SERPINI2: variants seen among roughly 807,000 people sequenced by gnomAD.
The protein encoded by SERPINI2 is serpin I2.
In SERPINI2, 48 loss-of-function variants were observed where a neutral mutation model predicts 47.3. The observed-to-expected ratio is 1.02, with a 90% CI of 0.81 to 1.29. SERPINI2 has a LOEUF of 1.29. Among genes scored for constraint, SERPINI2 ranks in the 50% most tolerant of loss-of-function variants. The pLI, the probability that SERPINI2 is intolerant of heterozygous loss-of-function variation, is 0.00. For missense variants in SERPINI2, 448 were observed against 456.9 expected, an observed-to-expected ratio of 0.98 and a Z score of 0.18; for synonymous variants, 135 against 149.3, an observed-to-expected ratio of 0.90 and a Z score of 0.70.
intron 8 of SERPINI2, among the ~76,000 whole-genome samples, chr3:167,444,221 T>C (rs1348350170): frequency 6.6e-6 from 1 of 152,182 alleles, no homozygotes; most frequent in African/African-American, 2.4e-5. Context: ...CTTCACAATT[T>C]TCTTCTCAAA....
At chr3:167,457,890 TAGA>T (rs1560233096) in intron 5 of SERPINI2, among the ~76,000 whole-genome samples, 3 of 152,040 alleles carry the variant, frequency 2.0e-5, no homozygotes, top group African/African-American at 7.2e-5. Context: ...TAAGGACAAA[TAGA>T]AGTTTTATAG....
Position 167,471,771 on chromosome 3 carries a change from A to G in SERPINI2, c.64T>C (p.Ser22Pro). Residue 22 changes from serine to proline, a missense_variant, in exon 2 of 9, where the codon TCA becomes CCA. Ser to Pro is a moderately conservative substitution (Grantham distance 74, BLOSUM62 -1). Transcript: ENST00000264677. Reference sequence around the variant, plus strand: ...GCAAATTCGGTATTTTTTTGAGCTGAGCATCTTGAGGCTTGACTTCCAAAA... The same window carrying G: ...GCAAATTCGGTATTTTTTTGAGCTGGGCATCTTGAGGCTTGACTTCCAAAA... 6.2e-7 allele frequency: 1 copy of G among 1,613,602 alleles called. No homozygotes were observed.
chr3:167,456,150 C>CTGTGTGTGTGTGTGTG (rs68048909), intron 5 of SERPINI2, among the ~76,000 whole-genome samples: 36 of 144,516 alleles, frequency 2.5e-4, no homozygotes, highest in South Asian at 9.2e-4. Context: ...TCAATTACCT[C>CTGTGTGTGTGTGTGTG]TGTGTGTGTG....
intron 2 of SERPINI2, among the ~76,000 whole-genome samples, chr3:167,467,729 A>G (rs1750179618): frequency 2.0e-5 from 3 of 152,156 alleles, no homozygotes; most frequent in Admixed American, 6.6e-5. Flanking sequence ...CTTTTATTTC[A>G]GCTGAAGAAA....
intron 5 of SERPINI2, among the ~76,000 whole-genome samples, chr3:167,461,966 G>T (rs1749996278): frequency 6.6e-6 from 1 of 152,126 alleles, no homozygotes; most frequent in Non-Finnish European, 1.5e-5. Context: ...GAGCATGGAA[G>T]AAAATCTGGG....
chr3:167,453,696 T>C (rs1335890954), intron 5 of SERPINI2, among the ~76,000 whole-genome samples: 3 of 150,864 alleles, frequency 2.0e-5, no homozygotes, highest in East Asian at 2.0e-4. Context: ...TAGCCACTGC[T>C]TCCAACACTG....
intron 5 of SERPINI2, among the ~76,000 whole-genome samples, chr3:167,462,456 T>G (rs1243999771): frequency 6.6e-6 from 1 of 152,166 alleles, no homozygotes; most frequent in Non-Finnish European, 1.5e-5. Flanking sequence ...TTTCCCTGTG[T>G]CTCTTCACAT....
intron 7 of SERPINI2, among the ~76,000 whole-genome samples, chr3:167,448,872 T>G (rs1560230121): frequency 6.6e-6 from 1 of 152,094 alleles, no homozygotes; most frequent in East Asian, 1.9e-4. Flanking sequence ...TATGTGCAGG[T>G]TAAGTTTGAG....
At chr3:167,460,754 G>C (rs1749959986) in intron 5 of SERPINI2, among the ~76,000 whole-genome samples, 1 of 152,138 alleles carries the variant, frequency 6.6e-6, no homozygotes, top group Non-Finnish European at 1.5e-5. Context: ...AAATTAGAGT[G>C]ACCGGAAAGT....
intron 8 of SERPINI2, 106 bp from the exon 9 acceptor site, chr3:167,442,291 CTG>C (rs1749350751): frequency 1.3e-6 from 1 of 770,560 alleles, no homozygotes; most frequent in Non-Finnish European, 2.0e-6. Flanking sequence ...TCTTTTTTCT[CTG>C]TAAGATAAAT....
intron 6 of SERPINI2, among the ~76,000 whole-genome samples, chr3:167,451,749 T>C (rs1354810265): frequency 6.6e-6 from 1 of 152,198 alleles, no homozygotes; most frequent in Non-Finnish European, 1.5e-5. Context: ...AGTGGCTGTT[T>C]GAAGTGTCTG....
intron 5 of SERPINI2, among the ~76,000 whole-genome samples, chr3:167,457,626 A>G (rs1347274258): frequency 1.3e-5 from 2 of 152,250 alleles, no homozygotes; most frequent in Non-Finnish European, 2.9e-5. Context: ...AGTTTAAAGC[A>G]ACAAATCCTC....
chr3:167,459,068 G>GTTT, intron 5 of SERPINI2, among the ~76,000 whole-genome samples: 1 of 144,534 alleles, frequency 6.9e-6, no homozygotes, highest in African/African-American at 2.7e-5. Flanking sequence ...ACCAAAGGAA[G>GTTT]TTTTTTTTTG....
intron 6 of SERPINI2, among the ~76,000 whole-genome samples, chr3:167,450,454 A>T (rs1749611098): frequency 6.6e-6 from 1 of 152,220 alleles, no homozygotes; most frequent in Admixed American, 6.5e-5. Flanking sequence ...CTTGCAAGAC[A>T]AGATAGATCT....
intron 5 of SERPINI2, 24 bp from the exon 6 acceptor site, chr3:167,453,057 A>G: frequency 7.2e-7 from 1 of 1,390,558 alleles, no homozygotes; most frequent in Non-Finnish European, 9.9e-7. Context: ...AAAAAGAAAA[A>G]GAAAAGTCTT....
At chr3:167,469,361 GA>G (rs1750242808) in intron 2 of SERPINI2, 1 of 152,114 alleles carries the variant, frequency 6.6e-6, no homozygotes, top group Non-Finnish European at 1.5e-5. Context: ...GTGCATATGG[GA>G]GATCCAAAGA....
Position 167,443,496 on chromosome 3 carries a change from C to A in SERPINI2, c.1142-1311G>T, listed in dbSNP as rs887557195. Among the ~76,000 whole-genome samples, 42 of 151,926 alleles carry A rather than the reference C, an allele frequency of 2.8e-4. 1 individual carries two copies. Among genetic ancestry groups the A allele is most frequent in the Admixed American group, 2.8e-3 (42 of 15,230 alleles). ...ATTCTGGAAAAAAGAAAACAAATAC[C>A]CCAATATTTCAGATAGATAAAGATA... On this transcript the variant is annotated intron_variant, in intron 8 of 8. Coordinates refer to ENST00000264677, the Ensembl canonical transcript of SERPINI2.
chr3:167,458,286 T>C (rs1323639640), intron 5 of SERPINI2, among the ~76,000 whole-genome samples: 1 of 146,824 alleles, frequency 6.8e-6, no homozygotes. Context: ...AGTCTCACTC[T>C]GTCGCCCAGG....
intron 7 of SERPINI2, chr3:167,446,969 C>T (rs1749497275): frequency 1.3e-5 from 2 of 151,890 alleles, no homozygotes; most frequent in Non-Finnish European, 2.9e-5. Flanking sequence ...AGGATTTGTG[C>T]AGTGAATGTG....
Sources: gnomAD v4.1 joint callset for allele counts (sites outside exome capture counted in the v4.1 genomes callset) on GRCh38, gnomAD v4.1.1 for gene constraint, MANE v1.5 for transcripts, NCBI Gene and HGNC (gene_info 2026-07-23, HGNC 2026-07-21) for gene names.